The following FAP variants were observed in gnomAD, a reference collection of about 807,000 sequenced individuals.
FAP encodes fibroblast activation protein alpha, also known as prolyl endopeptidase FAP.
FAP carries 110 observed loss-of-function variants against 126.5 expected under a neutral mutation model. The observed-to-expected ratio is 0.87, with a 90% CI of 0.74 to 1.02. FAP has a LOEUF of 1.02. Among genes scored for constraint, FAP ranks in the 50% least tolerant of loss-of-function variants. The pLI, the probability that FAP is intolerant of heterozygous loss-of-function variation, is 0.00. For missense variants in FAP, 919 were observed against 909.2 expected (o/e 1.01, Z -0.14); for synonymous variants, 334 against 297.3 (o/e 1.12, Z -1.27).
intron 7 of FAP, among the ~76,000 whole-genome samples, chr2:162,219,530 A>G (rs954231369): frequency 1.3e-5 from 2 of 152,154 alleles, no homozygotes; most frequent in Non-Finnish European, 2.9e-5. Flanking sequence ...AAGAGCTTGG[A>G]CCAAATTTCA....
chr2:162,188,145 C>T, intron 20 of FAP, 24 bp downstream of exon 20: 1 of 1,591,362 alleles, frequency 6.3e-7, no homozygotes, highest in Non-Finnish European at 8.6e-7. Flanking sequence ...ATGTTGACAT[C>T]TGCTTGAATG....
At chr2:162,199,428 G>A (rs1688401899) in intron 15 of FAP, among the ~76,000 whole-genome samples, 1 of 152,160 alleles carries the variant, frequency 6.6e-6, no homozygotes, top group Non-Finnish European at 1.5e-5. Context: ...AGCTCAGGCT[G>A]GGAATGCCCC....
chr2:162,183,428 C>T lies in FAP; in HGVS notation c.1855G>A (p.Ala619Thr). The T allele has an allele frequency of 6.2e-7, 1 of 1,609,414 alleles. No homozygotes were observed. The highest frequency in any genetic ancestry group is 1.7e-4 in the Middle Eastern group (1 of 6,040). ...EMGFIDEKRI[A>T]IWGWSYGGYV... The stretch of plus-strand genomic sequence containing the variant: ...AAACAACTCACCCAGCCCCATATGG[C>T]TATTCTTTTTTCATCAATGAAACCC... Residue 619 changes from alanine (A) to threonine (T), a missense_variant, in exon 21 of 26, where the codon GCC becomes ACC. Ala to Thr is a moderately conservative substitution (Grantham distance 58, BLOSUM62 0). Coordinates refer to ENST00000188790, the MANE Select transcript of FAP (RefSeq NM_004460.5).
chr2:162,220,867 G>A (rs1185285206), intron 6 of FAP, among the ~76,000 whole-genome samples: 3 of 152,146 alleles, frequency 2.0e-5, no homozygotes, highest in Non-Finnish European at 2.9e-5. Context: ...GACTGCCTTC[G>A]TGGGAAAGCA....
At chr2:162,191,271 T>G (rs1230230910) in intron 17 of FAP, among the ~76,000 whole-genome samples, 1 of 152,162 alleles carries the variant, frequency 6.6e-6, no homozygotes, top group South Asian at 2.1e-4. Context: ...CGAACTTTTC[T>G]GATACATGAC....
rs558270278 is a variant in FAP at position 162,242,923 on chromosome 2, A to C, written c.76T>G (p.Leu26Val). The part of the protein sequence containing the change: ...VLALLVMCIV[L>V]RPSRVHNSEE... Reference sequence around the variant, plus strand: ...AAGTTCTTACCTCTTGAAGGGCGTAAGACAATGCACATCACCAATAAGGCA... The same window carrying C: ...AAGTTCTTACCTCTTGAAGGGCGTACGACAATGCACATCACCAATAAGGCA... Residue 26 changes from leucine (L) to valine (V), a missense_variant, in exon 2 of 26, where the codon TTA becomes GTA. Leu to Val is a conservative substitution (Grantham distance 32). Transcript: ENST00000188790. The C allele has an allele frequency of 6.2e-7, 1 of 1,613,024 alleles. No homozygotes were observed. The highest frequency in any genetic ancestry group is 1.3e-5 in the African/African-American group (1 of 74,994).
chr2:162,229,168 CTTAA>C (rs1576193924), intron 2 of FAP, among the ~76,000 whole-genome samples: 2 of 151,992 alleles, frequency 1.3e-5, no homozygotes, highest in East Asian at 1.9e-4. Context: ...TTGTGTTATG[CTTAA>C]TTAAGACATT....
In FAP at chr2:162,174,937, G is replaced by C. The variant is rs1687433603; in HGVS notation, c.1899C>G (p.Ala633=). The change falls in exon 22 of 26, where the codon GCC becomes GCG. Residue 633 remains alanine, a synonymous_variant. Transcript: ENST00000188790. The stretch of plus-strand genomic sequence containing the variant: ...TGAAAAGACCAGTTCCAGATGCAAG[G>C]GCCAGTGATGAAACGTATCCTCCAT... The part of the protein sequence containing the change: ...WSYGGYVSSL[A]LASGTGLFKC... The C allele has an allele frequency of 6.2e-7, 1 of 1,612,458 alleles. No homozygotes were observed. Among genetic ancestry groups the C allele is most frequent in the Non-Finnish European group, 8.5e-7 (1 of 1,178,968 alleles).
At chr2:162,199,209 T>G (rs1057420234) in intron 15 of FAP, among the ~76,000 whole-genome samples, 1 of 152,202 alleles carries the variant, frequency 6.6e-6, no homozygotes, top group Non-Finnish European at 1.5e-5. Flanking sequence ...TGCTTGGGAA[T>G]GCATAGTTCT....
At chr2:162,243,164 T>C in intron 1 of FAP, 158 bp downstream of exon 1, 1 of 793,272 alleles carries the variant, frequency 1.3e-6, no homozygotes, top group South Asian at 1.7e-5. Context: ...AGGACAAATG[T>C]TTCTACAGTA....
chr2:162,197,442 G>A (rs1192052976), intron 16 of FAP: 2 of 403,994 alleles, frequency 5.0e-6, no homozygotes, highest in Non-Finnish European at 1.0e-5. Context: ...AACTTGAGAG[G>A]GACATTTAAT....
At chr2:162,209,659 C>A in intron 12 of FAP, 1 of 278,910 alleles carries the variant, frequency 3.6e-6, no homozygotes. Flanking sequence ...GAACAATGAT[C>A]TATATTGTAT....
intron 15 of FAP, 124 bp downstream of exon 15, chr2:162,200,442 A>C (rs13386912): frequency 0.064 from 38,612 of 602,284 alleles, 4,845 homozygotes; most frequent in African/African-American, 0.35. Context: ...TGTTTTCTCT[A>C]AATTCATAAA....
chr2:162,209,145 A>G (rs915012621), intron 12 of FAP, among the ~76,000 whole-genome samples: 5 of 151,900 alleles, frequency 3.3e-5, no homozygotes, highest in Non-Finnish European at 5.9e-5. Context: ...TTGTCCTTGG[A>G]TCATGGGCTA....
At chr2:162,234,917 T>C (rs112075616) in intron 2 of FAP, among the ~76,000 whole-genome samples, 5,377 of 152,178 alleles carry the variant, frequency 0.035, 467 homozygotes, top group Admixed American at 0.21. Flanking sequence ...GCTAGAGTTC[T>C]GGGTGGGCGT....
intron 2 of FAP, among the ~76,000 whole-genome samples, chr2:162,232,957 A>G (rs1689956232): frequency 6.6e-6 from 1 of 152,090 alleles, no homozygotes; most frequent in South Asian, 2.1e-4. Flanking sequence ...ACATTTTGGC[A>G]TGGCTGTTAC....
intron 21 of FAP, among the ~76,000 whole-genome samples, chr2:162,182,154 A>G (rs1057046102): frequency 5.3e-5 from 8 of 152,182 alleles, no homozygotes; most frequent in African/African-American, 1.9e-4. Flanking sequence ...GGGTTTTTAG[A>G]AAATCATCCC....
intron 21 of FAP, among the ~76,000 whole-genome samples, chr2:162,179,337 A>G (rs996863784): frequency 2.0e-5 from 3 of 149,840 alleles, no homozygotes; most frequent in African/African-American, 7.4e-5. Context: ...ACTATAGGAC[A>G]TTTTCCTGAA....
rs561755304 is a variant in FAP at position 162,170,688 on chromosome 2, A to C, written c.*291T>G. The C allele has an allele frequency of 3.6e-5, 11 of 309,330 alleles. No homozygotes were observed. The highest frequency in any genetic ancestry group is 1.7e-4 in the African/African-American group (8 of 47,282). The allele number at this position is 309,330 out of a possible 1,614,324, so 19.2% of individuals were successfully genotyped here. A position where few individuals can be genotyped will look rare whatever the true frequency, so the allele number is the denominator to read the frequency against. On this transcript the variant is annotated 3_prime_UTR_variant, in exon 26 of 26. Coordinates refer to ENST00000188790, the MANE Select transcript of FAP (RefSeq NM_004460.5). ...CAATGAATACAGACAACACAATAGC[A>C]CTTGAACTTCTGACTTTATTATTTT...
Sources: allele counts gnomAD v4.1 joint callset (sites outside exome capture counted in the v4.1 genomes callset), GRCh38; gene constraint gnomAD v4.1.1; transcripts MANE v1.5; gene names NCBI Gene and HGNC (gene_info 2026-07-23, HGNC 2026-07-21).